Variants in DPH6 observed in about 807,000 individuals in gnomAD.
The protein encoded by DPH6 is diphthine--ammonia ligase.
A neutral mutation model predicts 38.2 loss-of-function variants in DPH6; 33 were observed. The ratio of observed to expected loss-of-function variants is 0.86; its 90% CI spans 0.65 to 1.15. The LOEUF (loss-of-function observed/expected upper bound fraction) is 1.15. Among genes scored for constraint, DPH6 ranks in the 50% most tolerant of loss-of-function variants. The pLI, the probability that DPH6 is intolerant of heterozygous loss-of-function variation, is 0.00. For synonymous variants in DPH6, 108 were observed against 103.0 expected (o/e 1.05, Z -0.30); for missense variants, 325 against 320.0 (o/e 1.02, Z -0.12).
At position 35,370,915 on chromosome 15, in the gene DPH6, C is replaced by A. The variant is rs543835735; in HGVS notation, c.*1235G>T. 1 of 151,416 alleles carries A rather than the reference C, an allele frequency of 6.6e-6. No homozygotes were observed. Among genetic ancestry groups the A allele is most frequent in the African/African-American group, 2.4e-5 (1 of 41,342 alleles). 9.4% of individuals were successfully genotyped at this position (151,416 alleles called of 1,614,324 possible). A position where few individuals can be genotyped will look rare whatever the true frequency, so the allele number is the denominator to read the frequency against. Reference sequence around the variant, plus strand: ...TTTATAGTCGCTTTATTCATAATCGCCAAAACATGGAAGCAACTGAGATGT... The same window carrying A: ...TTTATAGTCGCTTTATTCATAATCGACAAAACATGGAAGCAACTGAGATGT... On this transcript the variant is annotated 3_prime_UTR_variant, in exon 9 of 9. Transcript: ENST00000256538.
rs551935125 is a variant in DPH6, at chr15:35,524,270, A to C, written c.312+14004T>G. 1.2e-4 allele frequency among the ~76,000 whole-genome samples: 19 copies of C among 152,252 alleles called. No individual in the cohort carries two copies. In the East Asian group the frequency reaches 3.3e-3, roughly 26 times the overall value. On this transcript the variant is annotated intron_variant, in intron 3 of 8. Transcript: ENST00000256538. ...AAATGCTTATTTTGAATTTCTCTAT[A>C]TATCTTGTCTTGAACAAAACACTTC...
intron 3 of DPH6, among the ~76,000 whole-genome samples, chr15:35,254,027 G>T (rs2140411681): frequency 6.6e-6 from 1 of 152,206 alleles, no homozygotes; most frequent in South Asian, 2.1e-4. Context: ...ATATCAAAGG[G>T]ATCCACTGCA....
intron 3 of DPH6, chr15:35,521,636 T>C: frequency 7.3e-6 from 9 of 1,230,258 alleles, no homozygotes; most frequent in Non-Finnish European, 9.1e-6. Context: ...TCAGGCAATG[T>C]ATTTTTAATA....
At chr15:35,222,845 G>T (rs2051451716) in intron 3 of DPH6, among the ~76,000 whole-genome samples, 1 of 152,086 alleles carries the variant, frequency 6.6e-6, no homozygotes, top group Non-Finnish European at 1.5e-5. Context: ...TAAAGATCTT[G>T]AGGCCCACAA....
intron 3 of DPH6, among the ~76,000 whole-genome samples, chr15:35,272,638 G>T (rs1566856290): frequency 6.6e-6 from 1 of 152,058 alleles, no homozygotes; most frequent in African/African-American, 2.4e-5. Context: ...GCCAGGCATG[G>T]TGGCTCACAC....
intron 5 of DPH6, among the ~76,000 whole-genome samples, chr15:35,430,484 G>A (rs1595556311): frequency 6.7e-6 from 1 of 150,346 alleles, no homozygotes; most frequent in East Asian, 1.9e-4. Context: ...AATGACTCCT[G>A]CCCAAGGCAG....
chr15:35,185,593 GGACCTTTCA>G, the DPH6 span, among the ~76,000 whole-genome samples: 152 of 152,132 alleles, frequency 1.0e-3, 1 homozygote, highest in Non-Finnish European at 1.9e-3. Flanking sequence ...AAATAGCAGT[GGACCTTTCA>G]GATAGTAGCT....
intron 3 of DPH6, chr15:35,522,307 C>T (rs776975622): frequency 6.2e-7 from 1 of 1,605,564 alleles, no homozygotes; most frequent in Non-Finnish European, 8.5e-7. Context: ...GAAAACGTGG[C>T]AATCAGAGGT....
At chr15:35,391,714 G>A (rs1329836266) in intron 6 of DPH6, among the ~76,000 whole-genome samples, 3 of 152,200 alleles carry the variant, frequency 2.0e-5, no homozygotes, top group Non-Finnish European at 4.4e-5. Flanking sequence ...GGGTGGGAGT[G>A]ACCCGATTTT....
the DPH6 span, among the ~76,000 whole-genome samples, chr15:35,201,803 C>T: frequency 1.3e-5 from 2 of 151,476 alleles, no homozygotes; most frequent in Non-Finnish European, 3.0e-5. Context: ...TTCTATCCTG[C>T]CATTTTAATT....
At chr15:35,360,525 G>A (rs951180636) in intron 3 of DPH6, among the ~76,000 whole-genome samples, 5 of 152,196 alleles carry the variant, frequency 3.3e-5, no homozygotes, top group Non-Finnish European at 5.9e-5. Context: ...GGTAGGGTGA[G>A]TTCAGCAGGC....
chr15:35,379,755 TA>T (rs2052839284), intron 7 of DPH6, among the ~76,000 whole-genome samples: 1 of 152,036 alleles, frequency 6.6e-6, no homozygotes, highest in Non-Finnish European at 1.5e-5. Flanking sequence ...AATAAATACA[TA>T]AAAGTATGTG....
chr15:35,545,358 A>C (rs2055330389), intron 1 of DPH6, among the ~76,000 whole-genome samples: 1 of 152,236 alleles, frequency 6.6e-6, no homozygotes, highest in South Asian at 2.1e-4. Context: ...TAGACACTTA[A>C]ATTTATGATT....
chr15:35,158,963 G>T, the DPH6 span, among the ~76,000 whole-genome samples: 3 of 151,976 alleles, frequency 2.0e-5, no homozygotes, highest in Admixed American at 2.0e-4. Flanking sequence ...TAAATAGAGA[G>T]ACACTCACTG....
At chr15:35,250,216 T>A (rs369199045) in intron 3 of DPH6, among the ~76,000 whole-genome samples, 91 of 150,862 alleles carry the variant, frequency 6.0e-4, no homozygotes, top group African/African-American at 2.1e-3. Flanking sequence ...AACAAAAAAA[T>A]AAAAAAAATA....
intron 3 of DPH6, among the ~76,000 whole-genome samples, chr15:35,500,152 C>A (rs752182394): frequency 1.3e-5 from 2 of 152,136 alleles, no homozygotes; most frequent in Non-Finnish European, 2.9e-5. Flanking sequence ...ATATATCAGT[C>A]CATGCTACAA....
chr15:35,460,338 CA>C (rs2054049277), intron 3 of DPH6, among the ~76,000 whole-genome samples: 1 of 151,786 alleles, frequency 6.6e-6, no homozygotes, highest in Non-Finnish European at 1.5e-5. Flanking sequence ...TGAAGATAAC[CA>C]AAAGCTAATC....
intron 3 of DPH6, chr15:35,237,408 G>C: frequency 6.2e-7 from 1 of 1,605,188 alleles, no homozygotes; most frequent in Non-Finnish European, 8.5e-7. Context: ...GACAACAGTC[G>C]GTCGAATGAA....
At chr15:35,390,221 T>A (rs969482200) in intron 6 of DPH6, among the ~76,000 whole-genome samples, 1 of 152,238 alleles carries the variant, frequency 6.6e-6, no homozygotes, top group African/African-American at 2.4e-5. Flanking sequence ...GCTGTTAGTC[T>A]GATGGGCTTC....
Sources: allele counts gnomAD v4.1 joint callset (sites outside exome capture counted in the v4.1 genomes callset), GRCh38; gene constraint gnomAD v4.1.1; transcripts MANE v1.5; gene names NCBI Gene and HGNC (gene_info 2026-07-23, HGNC 2026-07-21).